The following KATNA1 variants were observed in gnomAD, a reference collection of about 807,000 sequenced individuals.
KATNA1 encodes the protein katanin p60 ATPase-containing subunit A1.
In KATNA1, 42 loss-of-function variants were observed where a neutral mutation model predicts 62.6. That is an observed-to-expected ratio of 0.67 (90% CI 0.52 to 0.87). The LOEUF is 0.87. KATNA1 is among the 40% of genes least tolerant of loss of function. The pLI is 0.00. For synonymous variants in KATNA1, 186 were observed against 201.9 expected (o/e 0.92, Z 0.67); for missense variants, 498 against 612.5 (o/e 0.81, Z 1.97).
At chr6:149,619,014 G>C (rs1490085676) in intron 4 of KATNA1, among the ~76,000 whole-genome samples, 1 of 152,050 alleles carries the variant, frequency 6.6e-6, no homozygotes, top group Non-Finnish European at 1.5e-5. Flanking sequence ...GCACAGTAAA[G>C]GCAACAATTA....
At position 149,626,387 on chromosome 6, in the gene KATNA1, C is replaced by T. The variant is rs1415415745; in HGVS notation, c.321-3104G>A. Among the ~76,000 whole-genome samples the T allele has an allele frequency of 1.5e-3, 217 of 142,094 alleles. 1 individual carries two copies. The highest frequency in any genetic ancestry group is 5.3e-3 in the African/African-American group (202 of 38,030). The allele number at this position is 142,094 out of a possible 152,430, so 93.2% of individuals were successfully genotyped here. On this transcript the variant is annotated intron_variant, in intron 3 of 10. Coordinates refer to ENST00000367411, the MANE Select transcript of KATNA1 (RefSeq NM_007044.4). ...TCCGCTCACTGCAAGCTCCGCCTTC[C>T]GGGTTCACGCCATTCTCCTGCCTCA...
chr6:149,598,747 AAAC>A (rs148929147), intron 7 of KATNA1, among the ~76,000 whole-genome samples: 61,189 of 151,690 alleles, frequency 0.4, 13,246 homozygotes, highest in East Asian at 0.81. Context: ...GAAAGAAAGA[AAAC>A]AACAAAACAG....
intron 3 of KATNA1, chr6:149,631,672 C>G (rs1190113333): frequency 1.3e-5 from 2 of 151,934 alleles, no homozygotes; most frequent in Non-Finnish European, 2.9e-5. Flanking sequence ...GGCAATGAAC[C>G]TGGGAAGTCA....
chr6:149,605,081 G>A (rs868138907), intron 4 of KATNA1, among the ~76,000 whole-genome samples: 1 of 151,872 alleles, frequency 6.6e-6, no homozygotes, highest in Non-Finnish European at 1.5e-5. Context: ...GCTGAGGCAG[G>A]AGAACAGTGT....
In KATNA1 at chr6:149,595,114, TA is replaced by T; in HGVS notation, c.1397del (p.Leu466Ter). On this transcript the variant is annotated frameshift_variant, in exon 11 of 11. Transcript: ENST00000367411. LOFTEE classifies it high-confidence loss of function. ...PTTMEDFEMA[L>X]KKVSKSVSAA... is the part of the protein sequence containing the mutation. ...CAGACACTGACTTAGAAACCTTTTT[TA>T]AAGCCATCTCGAAATCCTCCATAGT... is the stretch of plus-strand genomic sequence containing the variant. 1 of 1,614,116 alleles carries T rather than the reference TA, an allele frequency of 6.2e-7. No individual in the cohort carries two copies. The highest frequency in any genetic ancestry group is 8.5e-7 in the Non-Finnish European group (1 of 1,179,998).
intron 2 of KATNA1, among the ~76,000 whole-genome samples, chr6:149,633,271 C>T (rs946053485): frequency 2.6e-5 from 4 of 151,676 alleles, no homozygotes; most frequent in Non-Finnish European, 5.9e-5. Flanking sequence ...CCACGCCTGG[C>T]TAATTTTGTG....
intron 2 of KATNA1, among the ~76,000 whole-genome samples, chr6:149,636,374 C>A (rs780817502): frequency 3.3e-5 from 5 of 151,712 alleles, no homozygotes; most frequent in Admixed American, 1.3e-4. Context: ...GAGTTCAAGA[C>A]CAGCCTGAAC....
Position 149,603,282 on chromosome 6 carries a change from TA to T in KATNA1, c.714del (p.Arg239GlyfsTer8). 1.3e-6 allele frequency: 2 copies of T among 1,538,260 alleles called. No homozygotes were observed. Among genetic ancestry groups the T allele is most frequent in the Non-Finnish European group, 1.8e-6 (2 of 1,118,430 alleles). On this transcript the variant is annotated frameshift_variant, in exon 6 of 11. Transcript: ENST00000367411. LOFTEE classifies it high-confidence loss of function. ...AATAAACTTACTTTCCATGGTCTCC[TA>T]ATGCCCTTAAAGAATTCGGGCATCC... is the stretch of plus-strand genomic sequence containing the variant. ...PMWMPEFFKGIRRPWKGVLMV... is the reference protein window; with the variant it reads ...PMWMPEFFKGXRRPWKGVLMV...
At chr6:149,613,925 C>T (rs1450370975) in intron 4 of KATNA1, among the ~76,000 whole-genome samples, 1 of 152,210 alleles carries the variant, frequency 6.6e-6, no homozygotes, top group Non-Finnish European at 1.5e-5. Flanking sequence ...ATTTGGATTT[C>T]CTGCTCTTAT....
chr6:149,595,368 A>G lies in KATNA1; in HGVS notation c.1278-134T>C. The G allele has an allele frequency of 5.3e-6, 3 of 569,042 alleles. 1 individual carries two copies. Among genetic ancestry groups the G allele is most frequent in the Non-Finnish European group, 5.9e-6 (2 of 336,194 alleles). The allele number at this position is 569,042 out of a possible 1,614,324, so 35.2% of individuals were successfully genotyped here. On this transcript the variant is annotated intron_variant, in intron 10 of 10. Transcript: ENST00000367411. ...ATATTACATATATATGTAGTATTGT[A>G]TAGAAACTTATTGGAATACAAAGCC...
intron 4 of KATNA1, among the ~76,000 whole-genome samples, chr6:149,609,766 G>GCACTTCA (rs1778873417): frequency 7.5e-6 from 1 of 133,194 alleles, no homozygotes; most frequent in Non-Finnish European, 1.5e-5. Flanking sequence ...TCGTGCCACT[G>GCACTTCA]CACTTCAGCC....
At chr6:149,641,414 G>A (rs556498721) in intron 1 of KATNA1, among the ~76,000 whole-genome samples, 1 of 151,584 alleles carries the variant, frequency 6.6e-6, no homozygotes, top group South Asian at 2.1e-4. Context: ...CTGACCTCAG[G>A]ATCTACCCGC....
intron 3 of KATNA1, 70 bp downstream of exon 3, chr6:149,632,689 C>A: frequency 1.5e-6 from 2 of 1,313,914 alleles, no homozygotes; most frequent in South Asian, 1.7e-5. Context: ...GCCACCCCAT[C>A]CTCCTCCTAA....
chr6:149,609,798 A>C (rs1195876250), intron 4 of KATNA1, among the ~76,000 whole-genome samples: 1 of 130,242 alleles, frequency 7.7e-6, no homozygotes, highest in African/African-American at 3.0e-5. Flanking sequence ...GCTAGACTCC[A>C]TCTCAAAAAA....
At chr6:149,617,851 G>A (rs1252260000) in intron 4 of KATNA1, among the ~76,000 whole-genome samples, 1 of 151,798 alleles carries the variant, frequency 6.6e-6, no homozygotes, top group East Asian at 1.9e-4. Flanking sequence ...CAGGAGAATC[G>A]CTTGAACCTG....
In KATNA1 at chr6:149,595,127, A is replaced by G. The variant is rs1778248841; in HGVS notation, c.1385T>C (p.Phe462Ser). Residue 462 changes from phenylalanine (F) to serine (S), a missense_variant, in exon 11 of 11, where the codon TTC becomes TCC. Physicochemically the swap from Phe to Ser is radical, Grantham distance 155. Around this residue, in one of 3 missense-constraint regions of KATNA1, gnomAD observed 267 missense variants for 372.6 expected, o/e 0.72. Transcript: ENST00000367411. ...EMHMPTTMED[F>S]EMALKKVSKS... ...AGAAACCTTTTTTAAAGCCATCTCG[A>G]AATCCTCCATAGTTGTAGGCATGTG... is the stretch of plus-strand genomic sequence containing the variant. 11 of 1,614,002 alleles carry G rather than the reference A, an allele frequency of 6.8e-6. No homozygotes were observed. The highest frequency in any genetic ancestry group is 9.3e-6 in the Non-Finnish European group (11 of 1,180,000).
intron 7 of KATNA1, among the ~76,000 whole-genome samples, chr6:149,601,270 C>G (rs1240017065): frequency 6.6e-6 from 1 of 152,098 alleles, no homozygotes; most frequent in African/African-American, 2.4e-5. Context: ...ATCATTGTTA[C>G]AATACTGTGG....
intron 1 of KATNA1, 139 bp from the exon 2 acceptor site, chr6:149,638,699 C>A: frequency 1.0e-5 from 4 of 391,336 alleles, no homozygotes; most frequent in Admixed American, 4.0e-5. Flanking sequence ...TATGTGTGCT[C>A]ATGCTATTTC....
In KATNA1 at chr6:149,597,159, C is replaced by G; in HGVS notation, c.1181G>C (p.Ser394Thr). ...ATCAGCCAATTCCAACTCACGTAGA[C>G]TTATTCGTAATAGCTCCTCCCTGCC... ...AKGREELLRI[S>T]LRELELADDV... is the part of the protein sequence containing the mutation. The change falls in exon 10 of 11, where the codon AGT becomes ACT. Residue 394 changes from serine (S) to threonine (T), a missense_variant. Transcript: ENST00000367411. 1 of 1,614,024 alleles carries G rather than the reference C, an allele frequency of 6.2e-7. No homozygotes were observed. The highest frequency in any genetic ancestry group is 1.3e-5 in the African/African-American group (1 of 75,038).
Sources: allele counts gnomAD v4.1 joint callset (sites outside exome capture counted in the v4.1 genomes callset), GRCh38; gene constraint gnomAD v4.1.1; regional missense constraint gnomAD v4.1.1; transcripts MANE v1.5; gene names NCBI Gene and HGNC (gene_info 2026-07-23, HGNC 2026-07-21).